The following OTOF variants were observed in gnomAD, a reference collection of about 807,000 sequenced individuals.
OTOF encodes otoferlin, also known as fer-1-like family member 2.
Under a neutral mutation model 236.8 loss-of-function variants are expected in OTOF, and 218 were observed. The observed-to-expected ratio is 0.92, with a 90% CI of 0.82 to 1.03. The LOEUF is 1.03. OTOF is among the 50% of genes least tolerant of loss of function. The probability of loss-of-function intolerance (pLI) is 0.00; values close to 1 mark genes in which losing one functional copy is unlikely to be tolerated. For synonymous variants in OTOF, 1,041 were observed against 1,072.5 expected, an observed-to-expected ratio of 0.97 and a Z score of 0.57; for missense variants, 2,590 against 2,694.4, an observed-to-expected ratio of 0.96 and a Z score of 0.86.
In OTOF at chr2:26,477,665, G is replaced by A; in HGVS notation, c.2299C>T (p.Leu767=). Residue 767 remains leucine, a synonymous_variant, in exon 19 of 47, where the codon CTG becomes TTG. Coordinates refer to ENST00000272371, the MANE Select transcript of OTOF (RefSeq NM_194248.3). The surrounding 1 kb of genome is among the most constrained non-coding windows in gnomAD (Gnocchi z 4.7). The part of the protein sequence containing the change: ...ERRLRGVLEE[L]SCGCCRFLSL... ...CCTTCTCACCAGCAGCCACAGCTCAGCTCCTCCAGGACGCCCCGCAGGCGA... is the reference window on the plus strand; with the variant it reads ...CCTTCTCACCAGCAGCCACAGCTCAACTCCTCCAGGACGCCCCGCAGGCGA... 6.2e-7 allele frequency: 1 copy of A among 1,612,380 alleles called. No homozygotes were observed. Among genetic ancestry groups the A allele is most frequent in the South Asian group, 1.1e-5 (1 of 91,080 alleles).
intron 5 of OTOF, among the ~76,000 whole-genome samples, chr2:26,504,982 C>G (rs943820984): frequency 1.2e-4 from 18 of 152,174 alleles, no homozygotes; most frequent in Non-Finnish European, 2.2e-4. Context: ...ACCCCAGATC[C>G]TTGTTCTTTA....
At chr2:26,482,777 G>A (rs1304920658) in intron 13 of OTOF, among the ~76,000 whole-genome samples, 185 bp from the exon 14 acceptor site, 16 of 150,160 alleles carry the variant, frequency 1.1e-4, no homozygotes, top group African/African-American at 2.7e-4. Context: ...GAGTGGGTGC[G>A]CGTGCGTGTG....
chr2:26,465,997 C>A lies in OTOF; in HGVS notation c.4580G>T (p.Arg1527Leu). 2 of 1,614,212 alleles carry A rather than the reference C, an allele frequency of 1.2e-6. No individual in the cohort carries two copies. The highest frequency in any genetic ancestry group is 1.7e-6 in the Non-Finnish European group (2 of 1,180,046). ...IAIRLGKTDIRDKENYISKQL... is the reference protein window; with the variant it reads ...IAIRLGKTDILDKENYISKQL... ...CTTGGAGATGTAGTTCTCCTTGTCGCGGATGTCAGTCTTGCCTAGCCGGAT... is the reference window on the plus strand; with the variant it reads ...CTTGGAGATGTAGTTCTCCTTGTCGAGGATGTCAGTCTTGCCTAGCCGGAT... Residue 1527 changes from arginine to leucine, a missense_variant, in exon 37 of 47, where the codon CGC becomes CTC. By Grantham distance (102) the Arg-to-Leu change is moderately radical. Around this residue, in one of 2 missense-constraint regions of OTOF, gnomAD observed 1,211 missense variants for 1,352.8 expected, o/e 0.90. Transcript: ENST00000272371.
rs2272071 is a variant in OTOF, at chr2:26,465,794, C to T, written c.4677G>A (p.Val1559=). 0.023 allele frequency: 37,881 copies of T among 1,614,194 alleles called. 1,023 individuals are homozygous for T. Among genetic ancestry groups the T allele is most frequent in the East Asian group, 0.14 (6,265 of 44,860 alleles). Residue 1559 remains valine (V), a synonymous_variant, in exon 38 of 47, where the codon GTG becomes GTA. Transcript: ENST00000272371. ...CCACCAGGTCCCAGTCATACACAGC[C>T]ACCGTCAGCATGGATTCCATGGGGA... ...ASFPMESMLT[V]AVYDWDLVGT...
chr2:26,465,996 G>T lies in OTOF; in HGVS notation c.4581C>A (p.Arg1527=), dbSNP rs560125081. The T allele has an allele frequency of 2.5e-6, 4 of 1,614,252 alleles. No individual in the cohort carries two copies. Among genetic ancestry groups the T allele is most frequent in the Non-Finnish European group, 3.4e-6 (4 of 1,180,044 alleles). Residue 1527 remains arginine, a synonymous_variant, in exon 37 of 47, where the codon CGC becomes CGA. Transcript: ENST00000272371. ...GCTTGGAGATGTAGTTCTCCTTGTCGCGGATGTCAGTCTTGCCTAGCCGGA... is the reference window on the plus strand; with the variant it reads ...GCTTGGAGATGTAGTTCTCCTTGTCTCGGATGTCAGTCTTGCCTAGCCGGA... ...IAIRLGKTDI[R]DKENYISKQL... is the part of the protein sequence containing the mutation.
chr2:26,516,602 G>A lies in OTOF; in HGVS notation c.328-3C>T. ...CGGACCTCCACGCACAGGCTGGTCTGAAGGGAGGGAGGCGGTGGTGAGCAG... is the reference window on the plus strand; with the variant it reads ...CGGACCTCCACGCACAGGCTGGTCTAAAGGGAGGGAGGCGGTGGTGAGCAG... On this transcript the variant is annotated splice_polypyrimidine_tract_variant and splice_region_variant and intron_variant, in intron 4 of 46. Coordinates refer to ENST00000272371, the MANE Select transcript of OTOF (RefSeq NM_194248.3). 1.2e-6 allele frequency: 2 copies of A among 1,604,018 alleles called. No homozygotes were observed. Among genetic ancestry groups the A allele is most frequent in the Non-Finnish European group, 8.5e-7 (1 of 1,179,944 alleles).
chr2:26,557,388 G>A (rs562626824), intron 1 of OTOF, among the ~76,000 whole-genome samples: 1 of 152,286 alleles, frequency 6.6e-6, no homozygotes, highest in East Asian at 1.9e-4. Context: ...CCTCAGGGCT[G>A]GGCAGCAACC....
intron 1 of OTOF, among the ~76,000 whole-genome samples, chr2:26,544,126 T>C (rs1667271534): frequency 6.6e-6 from 1 of 152,212 alleles, no homozygotes; most frequent in African/African-American, 2.4e-5. Context: ...TCAGAAATAA[T>C]TTTTTTCCTC....
intron 9 of OTOF, among the ~76,000 whole-genome samples, chr2:26,491,078 C>CCT (rs1665829954): frequency 6.6e-6 from 1 of 152,070 alleles, no homozygotes. Context: ...TCCAAGAAGA[C>CCT]ACAGCCTTTC....
At chr2:26,531,174 A>G (rs1666938098) in intron 2 of OTOF, among the ~76,000 whole-genome samples, 1 of 152,188 alleles carries the variant, frequency 6.6e-6, no homozygotes, top group South Asian at 2.1e-4. Flanking sequence ...TTGCTGAGGC[A>G]GCCTCTGTGA....
chr2:26,485,311 C>G (rs1478174413), intron 11 of OTOF, among the ~76,000 whole-genome samples: 1 of 152,364 alleles, frequency 6.6e-6, no homozygotes, highest in East Asian at 1.9e-4. Context: ...CTCTCCTCCT[C>G]CATGCAGCCC....
chr2:26,462,834 G>A lies in OTOF; in HGVS notation c.5192+649C>T, dbSNP rs1233416720. On this transcript the variant is annotated intron_variant, in intron 41 of 46. Coordinates refer to ENST00000272371, the MANE Select transcript of OTOF (RefSeq NM_194248.3). The surrounding 1 kb of genome is among the most constrained non-coding windows in gnomAD (Gnocchi z 4.7). ...TGGCAACATAGGAGCATGGAAACAA[G>A]AGTGGGACCCTGTGTGGCTTCCTCC... Among the ~76,000 whole-genome samples the A allele has an allele frequency of 6.6e-6, 1 of 152,238 alleles. No homozygotes were observed. Among genetic ancestry groups the A allele is most frequent in the African/African-American group, 2.4e-5 (1 of 41,464 alleles).
chr2:26,469,053 T>TA (rs901087866), intron 32 of OTOF, among the ~76,000 whole-genome samples: 41 of 149,104 alleles, frequency 2.7e-4, no homozygotes, highest in South Asian at 1.7e-3. Context: ...AAGTATAATT[T>TA]AAAAAAAAAA....
chr2:26,466,468 C>A (rs753018829), intron 36 of OTOF: 383 of 548,842 alleles, frequency 7.0e-4, no homozygotes, highest in South Asian at 1.8e-3. Flanking sequence ...TCCTCAGTAG[C>A]TGGGATTACA....
At chr2:26,474,477 T>C in intron 26 of OTOF, 36 bp downstream of exon 26, 1 of 1,495,172 alleles carries the variant, frequency 6.7e-7, no homozygotes, top group Admixed American at 2.0e-5. Flanking sequence ...CAGCCTCCAG[T>C]CCCCAGGCCT....
chr2:26,471,547 G>T (rs147678960), intron 30 of OTOF, among the ~76,000 whole-genome samples: 2,217 of 152,278 alleles, frequency 0.015, 19 homozygotes, highest in Non-Finnish European at 0.019. Flanking sequence ...TCTGACCCAG[G>T]CCAGGGAAGT....
At chr2:26,496,475 G>C (rs1002097534) in intron 8 of OTOF, among the ~76,000 whole-genome samples, 25 of 152,002 alleles carry the variant, frequency 1.6e-4, no homozygotes, top group African/African-American at 6.0e-4. Flanking sequence ...CCTGACCTCA[G>C]GTGATCTGCC....
intron 1 of OTOF, among the ~76,000 whole-genome samples, chr2:26,546,501 A>G (rs1667337036): frequency 6.6e-6 from 1 of 151,556 alleles, no homozygotes; most frequent in Middle Eastern, 3.2e-3. Context: ...AAGTGGACCC[A>G]TGTTGTTCAG....
Position 26,477,035 on chromosome 2 carries a change from G to C in OTOF, c.2532C>G (p.His844Gln). Residue 844 changes from histidine to glutamine, a missense_variant, in exon 22 of 47, where the codon CAC becomes CAG. By Grantham distance (24) the His-to-Gln change is conservative. This residue lies in a region of OTOF where 1,379 missense variants were observed against 1,341.6 expected (regional missense o/e 1.03). Coordinates refer to ENST00000272371, the MANE Select transcript of OTOF (RefSeq NM_194248.3). This position sits in a 1 kb window ranked among gnomAD's most constrained non-coding sequence, Gnocchi z 4.7. The stretch of plus-strand genomic sequence containing the variant: ...TCCAGATGAAGATGTCGGGAATGCT[G>C]TGCTGGGGCTGGGGGTTGGGGGGTG... ...KLRFLADEPQ[H>Q]SIPDIFIWMM... 1 of 1,584,994 alleles carries C rather than the reference G, an allele frequency of 6.3e-7. No individual in the cohort carries two copies. The highest frequency in any genetic ancestry group is 8.6e-7 in the Non-Finnish European group (1 of 1,165,318).
Sources: gnomAD v4.1 joint callset for allele counts (sites outside exome capture counted in the v4.1 genomes callset) on GRCh38, gnomAD v4.1.1 for gene constraint, gnomAD v4.1.1 regional missense constraint, Gnocchi (gnomAD v3.1) non-coding constraint, MANE v1.5 for transcripts, NCBI Gene and HGNC (gene_info 2026-07-23, HGNC 2026-07-21) for gene names.